The following WWOX variants were observed in gnomAD, a reference collection of about 807,000 sequenced individuals.
WWOX encodes WW domain containing oxidoreductase.
A neutral mutation model predicts 46.2 loss-of-function variants in WWOX; 69 were observed. The observed-to-expected ratio is 1.49, with a 90% CI of 1.23 to 1.82. The LOEUF is 1.82. WWOX is among the 40% of genes most tolerant of loss of function. The pLI is 0.00. For synonymous variants in WWOX, 359 were observed against 202.6 expected, an observed-to-expected ratio of 1.77 and a Z score of -6.56; for missense variants, 919 against 542.6, an observed-to-expected ratio of 1.69 and a Z score of -6.89.
chr16:78,860,017 C>A (rs2052678799), intron 8 of WWOX, among the ~76,000 whole-genome samples: 2 of 152,096 alleles, frequency 1.3e-5, no homozygotes, highest in African/African-American at 2.4e-5. Flanking sequence ...ATAGCATTTT[C>A]ACGAGTAAAC....
At chr16:78,897,326 C>A (rs754702277) in intron 8 of WWOX, 18 of 150,382 alleles carry the variant, frequency 1.2e-4, no homozygotes, top group Non-Finnish European at 2.2e-4. Flanking sequence ...TTCTCCTTTC[C>A]AATAAATCCT....
At chr16:78,307,051 A>G (rs935502362) in intron 5 of WWOX, among the ~76,000 whole-genome samples, 11 of 152,208 alleles carry the variant, frequency 7.2e-5, no homozygotes, top group Admixed American at 6.5e-5. Flanking sequence ...TTAGCAACCC[A>G]TTAATAACTT....
At chr16:79,036,928 G>C (rs886403008) in intron 8 of WWOX, among the ~76,000 whole-genome samples, 7 of 152,176 alleles carry the variant, frequency 4.6e-5, no homozygotes, top group African/African-American at 1.7e-4. Flanking sequence ...CTGAAGATAC[G>C]TATTTCTCAG....
At chr16:78,763,187 T>C (rs750865522) in intron 8 of WWOX, among the ~76,000 whole-genome samples, 6 of 152,348 alleles carry the variant, frequency 3.9e-5, no homozygotes, top group Admixed American at 6.5e-5. Flanking sequence ...GTTCAAGCAG[T>C]TGGCGTATGG....
intron 8 of WWOX, among the ~76,000 whole-genome samples, chr16:79,070,268 ATGTGTGTGTG>A (rs4035490): frequency 5.9e-4 from 85 of 145,194 alleles, no homozygotes; most frequent in African/African-American, 1.9e-3. Context: ...TGTGTTTCTG[ATGTGTGTGTG>A]TGTGTGTGTG....
chr16:78,150,738 G>T (rs529402590), intron 4 of WWOX, among the ~76,000 whole-genome samples: 2 of 152,280 alleles, frequency 1.3e-5, no homozygotes, highest in Admixed American at 6.5e-5. Flanking sequence ...TAAATCATTG[G>T]CCATTGGTGA....
At chr16:78,797,517 G>T (rs530553291) in intron 8 of WWOX, among the ~76,000 whole-genome samples, 237 of 152,242 alleles carry the variant, frequency 1.6e-3, no homozygotes, top group African/African-American at 5.6e-3. Context: ...AGACAAGAGT[G>T]CCAGCCAGGA....
At chr16:79,095,820 C>G (rs1597371602) in intron 8 of WWOX, among the ~76,000 whole-genome samples, 1 of 151,292 alleles carries the variant, frequency 6.6e-6, no homozygotes, top group South Asian at 2.1e-4. Context: ...CCAGGTTGCC[C>G]TCGCCTCCCG....
chr16:78,773,692 C>A (rs2050121228), intron 8 of WWOX, among the ~76,000 whole-genome samples: 1 of 152,196 alleles, frequency 6.6e-6, no homozygotes, highest in Admixed American at 6.5e-5. Flanking sequence ...AGTGGTGTGT[C>A]TGGAGTTGAA....
intron 8 of WWOX, among the ~76,000 whole-genome samples, chr16:78,544,319 A>T (rs11643254): frequency 0.087 from 13,240 of 152,282 alleles, 808 homozygotes; most frequent in South Asian, 0.23. Context: ...TTAATAATAC[A>T]ATCATAGTTA....
intron 5 of WWOX, among the ~76,000 whole-genome samples, chr16:78,327,677 G>A (rs933941155): frequency 2.6e-5 from 4 of 151,866 alleles, no homozygotes; most frequent in African/African-American, 9.7e-5. Context: ...GTGATCTTTG[G>A]TTTTCTCAGT....
chr16:79,014,735 G>A (rs117687503), intron 8 of WWOX, among the ~76,000 whole-genome samples: 1,735 of 152,322 alleles, frequency 0.011, 13 homozygotes, highest in Middle Eastern at 0.02. Flanking sequence ...ACTTTCTGGA[G>A]TGTACACAAC....
chr16:78,162,736 T>G (rs1227748783), intron 4 of WWOX, among the ~76,000 whole-genome samples: 1 of 152,154 alleles, frequency 6.6e-6, no homozygotes, highest in Non-Finnish European at 1.5e-5. Flanking sequence ...CATGTATGTG[T>G]AAGAGCCTGG....
rs1466598115 is a variant in WWOX, at chr16:78,432,496, A to G, written c.800A>G (p.Asp267Gly). The change falls in exon 8 of 9, where the codon GAT (aspartate) becomes GGT (glycine). Residue 267 changes from aspartate (D) to glycine (G), a missense_variant. Asp to Gly is a moderately conservative substitution (Grantham distance 94, BLOSUM62 -1). Coordinates refer to ENST00000566780, the MANE Select transcript of WWOX (RefSeq NM_016373.4). ...VVSSESHRFT[D>G]INDSLGKLDF... is the part of the protein sequence containing the mutation. ...TATTTCCTATTTTTAAGATTTACAG[A>G]TATTAACGACTCCTTGGGAAAACTG... The G allele has an allele frequency of 1.2e-6, 2 of 1,613,942 alleles. No homozygotes were observed. Among genetic ancestry groups the G allele is most frequent in the African/African-American group, 1.3e-5 (1 of 74,888 alleles).
At chr16:79,006,721 C>A (rs2047198063) in intron 8 of WWOX, among the ~76,000 whole-genome samples, 1 of 152,220 alleles carries the variant, frequency 6.6e-6, no homozygotes, top group African/African-American at 2.4e-5. Context: ...CCCTAGAGGG[C>A]AGCTTGTACC....
intron 8 of WWOX, among the ~76,000 whole-genome samples, chr16:78,887,576 G>A (rs2044494645): frequency 6.6e-6 from 1 of 151,202 alleles, no homozygotes; most frequent in African/African-American, 2.4e-5. Context: ...ATTTTCTTCG[G>A]GAGTTGAACA....
chr16:78,162,166 C>T (rs1192352608), intron 4 of WWOX, among the ~76,000 whole-genome samples: 1 of 152,026 alleles, frequency 6.6e-6, no homozygotes, highest in South Asian at 2.1e-4. Flanking sequence ...AAGCAGCTTT[C>T]GTTTGCTTAA....
intron 8 of WWOX, among the ~76,000 whole-genome samples, chr16:78,822,361 G>A (rs1028483005): frequency 7.2e-5 from 11 of 152,256 alleles, no homozygotes; most frequent in East Asian, 3.9e-4. Flanking sequence ...AGGTGTGGTG[G>A]CATGTGCCTG....
chr16:78,562,338 A>T (rs2044459882), intron 8 of WWOX, among the ~76,000 whole-genome samples: 1 of 152,148 alleles, frequency 6.6e-6, no homozygotes, highest in African/African-American at 2.4e-5. Flanking sequence ...ATCTACTCTG[A>T]ATTCCGCAGT....
Sources: gnomAD v4.1 joint callset for allele counts (sites outside exome capture counted in the v4.1 genomes callset) on GRCh38, gnomAD v4.1.1 for gene constraint, MANE v1.5 for transcripts, NCBI Gene and HGNC (gene_info 2026-07-23, HGNC 2026-07-21) for gene names.